The following SLC3A1 variants were observed in gnomAD, a reference collection of about 807,000 sequenced individuals.
SLC3A1 encodes the protein amino acid transporter heavy chain SLC3A1.
Under a neutral mutation model 60.3 loss-of-function variants are expected in SLC3A1, and 78 were observed. The ratio of observed to expected loss-of-function variants is 1.29; its 90% confidence interval spans 1.08 to 1.56. SLC3A1 has a LOEUF of 1.56. Ranked by LOEUF, SLC3A1 falls within the 40% of genes most tolerant of loss-of-function variation. The probability of loss-of-function intolerance (pLI) is 0.00; values close to 1 mark genes in which losing one functional copy is unlikely to be tolerated. For missense variants in SLC3A1, 1,172 were observed against 858.9 expected, an observed-to-expected ratio of 1.36 and a Z score of -4.56; for synonymous variants, 392 against 307.9, an observed-to-expected ratio of 1.27 and a Z score of -2.86.
In SLC3A1 at chr2:44,299,972, A is replaced by T. The variant is rs751734696; in HGVS notation, c.893A>T (p.Glu298Val). 1.9e-6 allele frequency: 3 copies of T among 1,614,096 alleles called. No homozygotes were observed. The highest frequency in any genetic ancestry group is 2.5e-6 in the Non-Finnish European group (3 of 1,179,962). The change falls in exon 5 of 10, where the codon GAA becomes GTA. Residue 298 changes from glutamate to valine, a missense_variant and splice_region_variant. Coordinates refer to ENST00000260649, the MANE Select transcript of SLC3A1 (RefSeq NM_000341.4). ...AGCATTTTGCTTCTTCATCTTTAGG[A>T]AATTTTACGGTTCTGGCTCACAAAG... The part of the protein sequence containing the change: ...RNPDVQEEIK[E>V]ILRFWLTKGV...
At chr2:44,308,306 A>G (rs1241884886) in intron 7 of SLC3A1, among the ~76,000 whole-genome samples, 1 of 152,194 alleles carries the variant, frequency 6.6e-6, no homozygotes, top group Non-Finnish European at 1.5e-5. Flanking sequence ...GTTATTTTTC[A>G]AGATTGTTTT....
intron 3 of SLC3A1, among the ~76,000 whole-genome samples, chr2:44,283,416 C>T (rs1671544441): frequency 6.6e-6 from 1 of 152,184 alleles, no homozygotes; most frequent in Non-Finnish European, 1.5e-5. Context: ...CTGTGCCAGG[C>T]TCTGTGCTAA....
Position 44,299,995 on chromosome 2 carries a change from A to T in SLC3A1, c.916A>T (p.Lys306Ter), listed in dbSNP as rs768222969. ...GGAAATTTTACGGTTCTGGCTCACA[A>T]AGGGTGTTGATGGTTTTAGTTTGGA... ...IKEILRFWLT[K>*]GVDGFSLDAV... The change falls in exon 5 of 10, where the codon AAG becomes TAG. Residue 306 changes from lysine (K) to a stop codon, truncating the protein, a stop_gained. Coordinates refer to ENST00000260649, the MANE Select transcript of SLC3A1 (RefSeq NM_000341.4). LOFTEE classifies it high-confidence loss of function. 1.9e-6 allele frequency: 3 copies of T among 1,614,144 alleles called. No individual in the cohort carries two copies. The highest frequency in any genetic ancestry group is 1.1e-5 in the South Asian group (1 of 91,088).
chr2:44,321,576 CGAGA>C (rs1460576600), downstream of SLC3A1: 1 of 1,494,856 alleles, frequency 6.7e-7, no homozygotes, highest in African/African-American at 1.4e-5. Flanking sequence ...TACTTTCATT[CGAGA>C]GAGAGGCAGA....
At chr2:44,282,798 C>G (rs904200990) in intron 3 of SLC3A1, among the ~76,000 whole-genome samples, 2 of 152,006 alleles carry the variant, frequency 1.3e-5, no homozygotes, top group Non-Finnish European at 2.9e-5. Context: ...GCTGGGACCA[C>G]AAATGTGTGC....
At chr2:44,292,226 A>C (rs961410107) in intron 4 of SLC3A1, among the ~76,000 whole-genome samples, 4 of 151,960 alleles carry the variant, frequency 2.6e-5, no homozygotes, top group African/African-American at 9.7e-5. Context: ...TGCTGGGGAG[A>C]CCCAGCTGAG....
intron 4 of SLC3A1, among the ~76,000 whole-genome samples, chr2:44,290,360 A>T (rs757490259): frequency 2.0e-5 from 3 of 152,132 alleles, no homozygotes; most frequent in Non-Finnish European, 4.4e-5. Flanking sequence ...TGAAATCGGG[A>T]AGTGAGAATC....
chr2:44,275,497 A>G lies in SLC3A1; in HGVS notation c.-39A>G. The G allele has an allele frequency of 6.5e-7, 1 of 1,544,758 alleles. No homozygotes were observed. Among genetic ancestry groups the G allele is most frequent in the Non-Finnish European group, 8.9e-7 (1 of 1,119,872 alleles). ...AGCAAGCCACTCTTCCACCTCCCTT[A>G]CTGCAGGAAGGCACTCCGAAGACAT... On this transcript the variant is annotated 5_prime_UTR_variant, in exon 1 of 10. Transcript: ENST00000260649.
rs144143260 is a variant in SLC3A1, at chr2:44,310,071, T to G, written c.1333-2515T>G. ...ACCATACCTGGATAATTTTTGTATT[T>G]TTTGTGGAGATGGGGTTTTGCCATG... is the stretch of plus-strand genomic sequence containing the variant. On this transcript the variant is annotated intron_variant, in intron 7 of 9. Transcript: ENST00000260649. Among the ~76,000 whole-genome samples, 4 of 152,204 alleles carry G rather than the reference T, an allele frequency of 2.6e-5. No individual in the cohort carries two copies. The East Asian group carries it at 7.7e-4, about 29-fold the overall frequency.
intron 6 of SLC3A1, among the ~76,000 whole-genome samples, chr2:44,301,904 A>G (rs1026209735): frequency 6.6e-6 from 1 of 151,922 alleles, no homozygotes; most frequent in Non-Finnish European, 1.5e-5. Context: ...TACTAGAACT[A>G]CAAAAATGGG....
At chr2:44,307,721 A>C (rs1250493037) in intron 7 of SLC3A1, among the ~76,000 whole-genome samples, 2 of 152,108 alleles carry the variant, frequency 1.3e-5, no homozygotes, top group African/African-American at 4.8e-5. Context: ...TAGTTGTAAG[A>C]ATTCCTGATA....
chr2:44,312,704 T>C lies in SLC3A1; in HGVS notation c.1451T>C (p.Ile484Thr), dbSNP rs745731486. Reference sequence around the variant, plus strand: ...CCTATAACTTACTATGGAGAAGAAATTGGAATGGGAAATATTGTAGCCGCA... The same window carrying C: ...CCTATAACTTACTATGGAGAAGAAACTGGAATGGGAAATATTGTAGCCGCA... ...GTPITYYGEE[I>T]GMGNIVAANL... is the part of the protein sequence containing the mutation. Residue 484 changes from isoleucine to threonine, a missense_variant, in exon 8 of 10, where the codon ATT (isoleucine) becomes ACT (threonine). Coordinates refer to ENST00000260649, the MANE Select transcript of SLC3A1 (RefSeq NM_000341.4). 1.2e-6 allele frequency: 2 copies of C among 1,613,620 alleles called. No homozygotes were observed. The highest frequency in any genetic ancestry group is 1.1e-5 in the South Asian group (1 of 91,070).
At chr2:44,278,584 C>G (rs957811912) in intron 1 of SLC3A1, among the ~76,000 whole-genome samples, 4 of 152,182 alleles carry the variant, frequency 2.6e-5, no homozygotes, top group African/African-American at 9.7e-5. Context: ...GGTGTGGCCT[C>G]TGACAGTCTA....
At chr2:44,303,985 T>C in intron 6 of SLC3A1, 158 bp from the exon 7 acceptor site, 1 of 709,324 alleles carries the variant, frequency 1.4e-6, no homozygotes, top group Non-Finnish European at 2.6e-6. Context: ...TAACATTTGG[T>C]GACAGCTTGA....
intron 6 of SLC3A1, among the ~76,000 whole-genome samples, chr2:44,303,581 CTTAT>C (rs1672072940): frequency 6.6e-6 from 1 of 151,430 alleles, no homozygotes; most frequent in Non-Finnish European, 1.5e-5. Context: ...ATTTTTCTGC[CTTAT>C]TTTTTATTAT....
chr2:44,286,367 G>A (rs1394948638), intron 4 of SLC3A1, among the ~76,000 whole-genome samples: 2 of 152,198 alleles, frequency 1.3e-5, no homozygotes, highest in Non-Finnish European at 2.9e-5. Flanking sequence ...GCTCTCTGGT[G>A]CAAATGTAGA....
At chr2:44,283,580 T>C (rs1209358318) in intron 3 of SLC3A1, among the ~76,000 whole-genome samples, 1 of 152,210 alleles carries the variant, frequency 6.6e-6, no homozygotes, top group Non-Finnish European at 1.5e-5. Flanking sequence ...AGTCTGCTTT[T>C]AAAAATTGCT....
At chr2:44,278,936 G>A (rs184208280) in intron 1 of SLC3A1, among the ~76,000 whole-genome samples, 4 of 152,090 alleles carry the variant, frequency 2.6e-5, no homozygotes, top group East Asian at 1.9e-4. Flanking sequence ...CTCAGACCCC[G>A]TGCACTGACA....
chr2:44,309,700 G>C lies in SLC3A1; in HGVS notation c.1333-2886G>C, dbSNP rs1032093397. On this transcript the variant is annotated intron_variant, in intron 7 of 9. Coordinates refer to ENST00000260649, the MANE Select transcript of SLC3A1 (RefSeq NM_000341.4). ...CTGCAACCTCTGCCTCTGGGTTCAA[G>C]CAATTCTTATGCCTTAGCCTCCTGT... 2.0e-5 allele frequency among the ~76,000 whole-genome samples: 3 copies of C among 152,188 alleles called. No homozygotes were observed. The South Asian group carries it at 6.2e-4, about 32-fold the overall frequency.
Sources: allele counts gnomAD v4.1 joint callset (sites outside exome capture counted in the v4.1 genomes callset), GRCh38; gene constraint gnomAD v4.1.1; transcripts MANE v1.5; gene names NCBI Gene and HGNC (gene_info 2026-07-23, HGNC 2026-07-21).